The following EEFSEC variants were observed in gnomAD, a reference collection of about 807,000 sequenced individuals.
The protein encoded by EEFSEC is selenocysteine-specific elongation factor.
Under a neutral mutation model 42.1 loss-of-function variants are expected in EEFSEC, and 43 were observed. That is an observed-to-expected ratio of 1.02 (90% CI 0.80 to 1.32). The LOEUF is 1.32. Ranked by LOEUF, EEFSEC falls within the 40% of genes most tolerant of loss-of-function variation. The pLI is 0.00. For synonymous variants in EEFSEC, 354 were observed against 339.1 expected (o/e 1.04, Z -0.48); for missense variants, 745 against 803.6 (o/e 0.93, Z 0.88).
chr3:128,241,709 C>A (rs1048668076), intron 1 of EEFSEC, among the ~76,000 whole-genome samples: 9 of 152,176 alleles, frequency 5.9e-5, no homozygotes, highest in African/African-American at 2.2e-4. Context: ...ATGTAGACCA[C>A]CACTGTGCAT....
intron 6 of EEFSEC, among the ~76,000 whole-genome samples, chr3:128,371,858 C>T (rs1289916141): frequency 1.3e-5 from 2 of 152,186 alleles, no homozygotes; most frequent in African/African-American, 4.8e-5. Context: ...CGGGGCCCGG[C>T]GGCAGTGCCT....
intron 1 of EEFSEC, among the ~76,000 whole-genome samples, chr3:128,203,153 C>T (rs1177813739): frequency 6.6e-6 from 1 of 152,098 alleles, no homozygotes; most frequent in African/African-American, 2.4e-5. Context: ...AATGGTTACA[C>T]CCAAATGTTG....
the EEFSEC span, among the ~76,000 whole-genome samples, chr3:128,415,050 G>A: frequency 6.6e-6 from 1 of 152,210 alleles, no homozygotes; most frequent in Non-Finnish European, 1.5e-5. Context: ...AGAGGATGGG[G>A]TGGGCAAGAC....
intron 4 of EEFSEC, among the ~76,000 whole-genome samples, chr3:128,266,440 G>A (rs2066354390): frequency 6.6e-6 from 1 of 152,038 alleles, no homozygotes; most frequent in East Asian, 2.0e-4. Flanking sequence ...GGCATGAACA[G>A]GGTTCCCCCA....
At chr3:128,187,505 A>C (rs201331499) in intron 1 of EEFSEC, among the ~76,000 whole-genome samples, 2 of 152,198 alleles carry the variant, frequency 1.3e-5, no homozygotes, top group Non-Finnish European at 2.9e-5. Flanking sequence ...AAAATTCTTC[A>C]TCAATGAATG....
chr3:128,394,008 G>A (rs1360196149), intron 6 of EEFSEC, among the ~76,000 whole-genome samples: 1 of 152,148 alleles, frequency 6.6e-6, no homozygotes, highest in African/African-American at 2.4e-5. Flanking sequence ...CCAGTGGGGC[G>A]GTGGCGGGGG....
chr3:128,170,633 A>C (rs545918766), intron 1 of EEFSEC, among the ~76,000 whole-genome samples: 1 of 152,214 alleles, frequency 6.6e-6, no homozygotes, highest in Non-Finnish European at 1.5e-5. Context: ...CATGTTGCCA[A>C]CTTTTGAGGA....
chr3:128,197,400 A>C (rs763887795), intron 1 of EEFSEC, among the ~76,000 whole-genome samples: 2 of 152,130 alleles, frequency 1.3e-5, no homozygotes, highest in Non-Finnish European at 1.5e-5. Context: ...CCTCCCAAGT[A>C]GCTGGGATTA....
At chr3:128,288,811 C>T (rs1258783625) in intron 4 of EEFSEC, among the ~76,000 whole-genome samples, 3 of 152,196 alleles carry the variant, frequency 2.0e-5, no homozygotes, top group African/African-American at 7.2e-5. Flanking sequence ...TGGACTGGGC[C>T]AGTGAAGACA....
intron 4 of EEFSEC, among the ~76,000 whole-genome samples, chr3:128,269,697 A>G (rs551551420): frequency 6.6e-6 from 1 of 152,318 alleles, no homozygotes; most frequent in South Asian, 2.1e-4. Context: ...AGCTGGGGCC[A>G]ATTAGCTGAG....
intron 5 of EEFSEC, among the ~76,000 whole-genome samples, chr3:128,356,314 C>T (rs972192742): frequency 2.0e-5 from 3 of 152,054 alleles, no homozygotes; most frequent in African/African-American, 4.8e-5. Flanking sequence ...GTTTCTTGGC[C>T]ACTGCAATGC....
At chr3:128,270,373 T>C (rs1439069884) in intron 4 of EEFSEC, among the ~76,000 whole-genome samples, 1 of 152,164 alleles carries the variant, frequency 6.6e-6, no homozygotes, top group Non-Finnish European at 1.5e-5. Flanking sequence ...CCCACTATGG[T>C]CCACTATGAA....
chr3:128,335,793 A>G (rs1228415404), intron 4 of EEFSEC, among the ~76,000 whole-genome samples: 2 of 152,208 alleles, frequency 1.3e-5, no homozygotes, highest in East Asian at 3.9e-4. Context: ...CAGGCAGTGC[A>G]GGGACAGGAA....
At chr3:128,249,805 A>G (rs543885043) in intron 2 of EEFSEC, among the ~76,000 whole-genome samples, 4 of 152,286 alleles carry the variant, frequency 2.6e-5, no homozygotes, top group South Asian at 2.1e-4. Flanking sequence ...TATTATGTCT[A>G]TATACCACAT....
intron 4 of EEFSEC, among the ~76,000 whole-genome samples, chr3:128,280,351 T>C (rs1221381716): frequency 1.3e-5 from 2 of 152,232 alleles, no homozygotes; most frequent in Admixed American, 1.3e-4. Context: ...GTGGCTTTTA[T>C]GAAAGAAAAA....
intron 1 of EEFSEC, among the ~76,000 whole-genome samples, chr3:128,185,313 CTTAATA>C (rs142729675): frequency 0.014 from 2,203 of 152,142 alleles, 24 homozygotes; most frequent in Non-Finnish European, 0.024. Context: ...CATTTTATAA[CTTAATA>C]TTATGAAGCA....
At chr3:128,383,845 G>A (rs371263079) in intron 6 of EEFSEC, among the ~76,000 whole-genome samples, 68 of 152,366 alleles carry the variant, frequency 4.5e-4, no homozygotes, top group Non-Finnish European at 6.0e-4. Context: ...GCACATGAGC[G>A]GTGACAGAGA....
rs72973489 is a variant in EEFSEC at position 128,261,467 on chromosome 3, C to A, written c.525-661C>A. Among the ~76,000 whole-genome samples the A allele has an allele frequency of 8.9e-4, 136 of 152,002 alleles. 1 individual carries two copies. Among genetic ancestry groups the A allele is most frequent in the African/African-American group, 3.2e-3 (132 of 41,476 alleles). ...ATAACCAAAATCTGAAAAAAAGAAT[C>A]CCTTGGCAAAGCATGGGAAAACCAT... is the stretch of plus-strand genomic sequence containing the variant. On this transcript the variant is annotated intron_variant, in intron 2 of 6. Transcript: ENST00000254730.
At chr3:128,332,612 C>A (rs538950995) in intron 4 of EEFSEC, among the ~76,000 whole-genome samples, 1 of 152,148 alleles carries the variant, frequency 6.6e-6, no homozygotes, top group Non-Finnish European at 1.5e-5. Context: ...CCATAATGCC[C>A]GGCTAATTTT....
Sources: gnomAD v4.1 joint callset for allele counts (sites outside exome capture counted in the v4.1 genomes callset) on GRCh38, gnomAD v4.1.1 for gene constraint, MANE v1.5 for transcripts, NCBI Gene and HGNC (gene_info 2026-07-23, HGNC 2026-07-21) for gene names.